The following PDCD7 variants were observed in gnomAD, a reference collection of about 807,000 sequenced individuals.
PDCD7 encodes the protein programmed cell death 7.
Under a neutral mutation model 42.1 loss-of-function variants are expected in PDCD7, and 40 were observed. The ratio of observed to expected loss-of-function variants is 0.95; its 90% CI spans 0.74 to 1.24. The LOEUF (loss-of-function observed/expected upper bound fraction) is 1.24. PDCD7 is among the 50% of genes most tolerant of loss of function. The probability of loss-of-function intolerance (pLI) is 0.00; values close to 1 mark genes in which losing one functional copy is unlikely to be tolerated. For synonymous variants in PDCD7, 299 were observed against 303.3 expected, an observed-to-expected ratio of 0.99 and a Z score of 0.15; for missense variants, 644 against 662.8, an observed-to-expected ratio of 0.97 and a Z score of 0.31.
chr15:65,133,048 CG>C lies in PDCD7; in HGVS notation c.733del (p.Arg245AlafsTer35). 1 of 1,590,340 alleles carries C rather than the reference CG, an allele frequency of 6.3e-7. No individual in the cohort carries two copies. Among genetic ancestry groups the C allele is most frequent in the Non-Finnish European group, 8.5e-7 (1 of 1,174,448 alleles). ...ARRRLERVRR[R>X]RLRLRERARE... ...GGCCCTCTCGCGAAGCCGCAGCCGGCGGCGCCGGACCCTCTCCAGCCTCCTC... is the reference window on the plus strand; with the variant it reads ...GGCCCTCTCGCGAAGCCGCAGCCGGCGCGCCGGACCCTCTCCAGCCTCCTC... On this transcript the variant is annotated frameshift_variant, in exon 1 of 5. Transcript: ENST00000204549. LOFTEE classifies it high-confidence loss of function.
At chr15:65,132,287 ATTT>A (rs775081541) in intron 1 of PDCD7, among the ~76,000 whole-genome samples, 2 of 139,922 alleles carry the variant, frequency 1.4e-5, no homozygotes. Context: ...CAAGTTCTCT[ATTT>A]TTTTTTTTTT....
intron 2 of PDCD7, 90 bp downstream of exon 2, chr15:65,128,942 A>G (rs771868035): frequency 3.6e-5 from 51 of 1,433,740 alleles, no homozygotes; most frequent in Non-Finnish European, 4.8e-5. Flanking sequence ...TGAAGTTTCA[A>G]GTATTTTTCC....
chr15:65,123,581 T>C (rs1220611530), intron 2 of PDCD7, among the ~76,000 whole-genome samples: 3 of 152,330 alleles, frequency 2.0e-5, no homozygotes, highest in East Asian at 3.9e-4. Flanking sequence ...ATAAATGGCA[T>C]AAATAATGGT....
At chr15:65,128,882 G>T in intron 2 of PDCD7, 150 bp downstream of exon 2, 1 of 867,706 alleles carries the variant, frequency 1.2e-6, no homozygotes, top group Non-Finnish European at 1.8e-6. Context: ...TGCTTCAGAA[G>T]TTCTGACCTA....
rs779528128 is a variant in PDCD7 at position 65,118,809 on chromosome 15, C to G, written c.1366G>C (p.Asp456His). 4 of 1,609,948 alleles carry G rather than the reference C, an allele frequency of 2.5e-6. No homozygotes were observed. The East Asian group carries it at 9.0e-5, about 36-fold the overall frequency. Residue 456 changes from aspartate (D) to histidine (H), a missense_variant, in exon 5 of 5, where the codon GAT (aspartate) becomes CAT (histidine). Coordinates refer to ENST00000204549, the MANE Select transcript of PDCD7 (RefSeq NM_005707.2). ...GGAACGAAGTTGCCTTTGGGATGAT[C>G]GGATGGCACCAGGTACTGATCCCAA... Reference protein sequence around the residue: ...HDWDQYLVPSDHPKGNFVPQG... With the variant: ...HDWDQYLVPSHHPKGNFVPQG...
rs1248512686 is a variant in PDCD7, at chr15:65,118,504, TC to T, written c.*212del. 14 of 440,352 alleles carry T rather than the reference TC, an allele frequency of 3.2e-5. No individual in the cohort carries two copies. The highest frequency in any genetic ancestry group is 1.8e-4 in the Admixed American group (4 of 22,306). 27.3% of individuals were successfully genotyped at this position (440,352 alleles called of 1,614,324 possible). A position where few individuals can be genotyped will look rare whatever the true frequency, so the allele number is the denominator to read the frequency against. On this transcript the variant is annotated 3_prime_UTR_variant, in exon 5 of 5. Coordinates refer to ENST00000204549, the MANE Select transcript of PDCD7 (RefSeq NM_005707.2). ...CACTGCCTGTGGTAAAAACCTCAGTTCACCTAAGTCCTTTCCTGAAAAACCA... is the reference window on the plus strand; with the variant it reads ...CACTGCCTGTGGTAAAAACCTCAGTTACCTAAGTCCTTTCCTGAAAAACCA...
In PDCD7 at chr15:65,133,677, C is replaced by G; in HGVS notation, c.105G>C (p.Pro35=). The change falls in exon 1 of 5, where the codon CCG becomes CCC. Residue 35 remains proline (P), a synonymous_variant. Transcript: ENST00000204549. ...GCTGGGGGAGAGGCGGCGGGAAAGC[C>G]GGGGAGGGCAGCGGCGGTGGCGGAC... ...FGCPPPPLPS[P]AFPPPLPQRP... 2 of 1,268,256 alleles carry G rather than the reference C, an allele frequency of 1.6e-6. No individual in the cohort carries two copies. The highest frequency in any genetic ancestry group is 3.1e-5 in the East Asian group (1 of 32,098). The allele number at this position is 1,268,256 out of a possible 1,614,324, so 78.6% of individuals were successfully genotyped here. A position where few individuals can be genotyped will look rare whatever the true frequency, so the allele number is the denominator to read the frequency against.
chr15:65,119,378 G>A lies in PDCD7; in HGVS notation c.1332C>T (p.Ile444=). 6.2e-6 allele frequency: 10 copies of A among 1,611,504 alleles called. No individual in the cohort carries two copies. Among genetic ancestry groups the A allele is most frequent in the South Asian group, 1.1e-5 (1 of 90,964 alleles). The part of the protein sequence containing the change: ...AEHSLPALIQ[I]RHDWDQYLVP... ...CATGGAGAGCCAGCCCCTCTGACCT[G>A]ATCTGGATGAGCGCTGGCAGGGAGT... The change falls in exon 4 of 5, where the codon ATC becomes ATT. Residue 444 remains isoleucine (I), a splice_region_variant and synonymous_variant. Coordinates refer to ENST00000204549, the MANE Select transcript of PDCD7 (RefSeq NM_005707.2).
Position 65,133,164 on chromosome 15 carries a change from G to C in PDCD7, c.618C>G (p.Val206=), listed in dbSNP as rs1167735994. Residue 206 remains valine (V), a synonymous_variant, in exon 1 of 5, where the codon GTC becomes GTG. Coordinates refer to ENST00000204549, the MANE Select transcript of PDCD7 (RefSeq NM_005707.2). The part of the protein sequence containing the change: ...REAEADGAAW[V]LLYSQTAPLR... ...GCGGCGCGGTCTGGGAGTACAGCAG[G>C]ACCCAGGCCGCGCCGTCGGCTTCGG... is the stretch of plus-strand genomic sequence containing the variant. 2 of 1,474,836 alleles carry C rather than the reference G, an allele frequency of 1.4e-6. No homozygotes were observed. The highest frequency in any genetic ancestry group is 2.8e-5 in the East Asian group (1 of 36,130). 91.4% of individuals were successfully genotyped at this position (1,474,836 alleles called of 1,614,324 possible).
chr15:65,131,295 C>T (rs2087538372), intron 1 of PDCD7, among the ~76,000 whole-genome samples: 1 of 152,202 alleles, frequency 6.6e-6, no homozygotes, highest in African/African-American at 2.4e-5. Flanking sequence ...CTATCACCCC[C>T]AGATGGGACT....
chr15:65,131,145 C>T (rs905924493), intron 1 of PDCD7, among the ~76,000 whole-genome samples: 4 of 152,184 alleles, frequency 2.6e-5, no homozygotes, highest in African/African-American at 9.7e-5. Flanking sequence ...TGCATTACCA[C>T]CTGAGCTCCG....
At position 65,133,457 on chromosome 15, in the gene PDCD7, G is replaced by A. The variant is rs2087561007; in HGVS notation, c.325C>T (p.Pro109Ser). The A allele has an allele frequency of 2.5e-6, 3 of 1,205,822 alleles. No individual in the cohort carries two copies. Among genetic ancestry groups the A allele is most frequent in the Non-Finnish European group, 3.1e-6 (3 of 971,528 alleles). 74.7% of individuals were successfully genotyped at this position (1,205,822 alleles called of 1,614,324 possible). The stretch of plus-strand genomic sequence containing the variant: ...GGCGGCCCCGGGCCGGGAGGCGGTG[G>A]CCGCGGCCGCTCGCCGGCGTCGGTC... Reference protein sequence around the residue: ...PGTDAGERPRPPPPGPGPPWS... With the variant: ...PGTDAGERPRSPPPGPGPPWS... The change falls in exon 1 of 5, where the codon CCA (proline) becomes TCA (serine). Residue 109 changes from proline to serine, a missense_variant. Physicochemically the swap from Pro to Ser is moderately conservative, Grantham distance 74 (BLOSUM62 -1). Coordinates refer to ENST00000204549, the MANE Select transcript of PDCD7 (RefSeq NM_005707.2).
At chr15:65,120,021 C>A (rs1228117416) in intron 2 of PDCD7, 67 bp from the exon 3 acceptor site, 15 of 1,514,316 alleles carry the variant, frequency 9.9e-6, no homozygotes, top group Non-Finnish European at 1.3e-5. Context: ...CGCTCTAACA[C>A]CCAGGCTGGA....
chr15:65,129,648 A>G (rs975910784), intron 1 of PDCD7, among the ~76,000 whole-genome samples: 1 of 152,170 alleles, frequency 6.6e-6, no homozygotes, highest in Non-Finnish European at 1.5e-5. Context: ...TCTCTTCCAC[A>G]TGACAGCCTT....
Position 65,123,282 on chromosome 15 carries a change from G to A in PDCD7, c.1010-3328C>T, listed in dbSNP as rs139733655. On this transcript the variant is annotated intron_variant, in intron 2 of 4. Coordinates refer to ENST00000204549, the MANE Select transcript of PDCD7 (RefSeq NM_005707.2). ...ACCTCACTGTAACCTCTGATTCCTGGGTTCAAGCGATTCTCCTGCCTCAGC... is the reference window on the plus strand; with the variant it reads ...ACCTCACTGTAACCTCTGATTCCTGAGTTCAAGCGATTCTCCTGCCTCAGC... 5.7e-3 allele frequency among the ~76,000 whole-genome samples: 872 copies of A among 152,296 alleles called. 5 individuals carry two copies. The highest frequency in any genetic ancestry group is 0.014 in the Middle Eastern group (4 of 294).
intron 2 of PDCD7, among the ~76,000 whole-genome samples, chr15:65,120,575 G>A (rs2087445677): frequency 6.6e-6 from 1 of 152,136 alleles, no homozygotes; most frequent in African/African-American, 2.4e-5. Context: ...AGGCATGGTG[G>A]CAGGTACCTG....
chr15:65,131,825 G>C (rs1341357952), intron 1 of PDCD7, among the ~76,000 whole-genome samples: 2 of 152,074 alleles, frequency 1.3e-5, no homozygotes, highest in African/African-American at 4.8e-5. Flanking sequence ...TGCTTAAAGA[G>C]TCTGAGATCA....
At chr15:65,130,998 T>C (rs2087535704) in intron 1 of PDCD7, among the ~76,000 whole-genome samples, 2 of 152,174 alleles carry the variant, frequency 1.3e-5, no homozygotes, top group African/African-American at 4.8e-5. Context: ...CACAGATCTC[T>C]AAGCCAGGGG....
chr15:65,129,678 G>C (rs2087523802), intron 1 of PDCD7, among the ~76,000 whole-genome samples: 1 of 152,094 alleles, frequency 6.6e-6, no homozygotes, highest in Admixed American at 6.6e-5. Flanking sequence ...AAAGATTGCT[G>C]TCCTACTCTT....
Sources: gnomAD v4.1 joint callset for allele counts (sites outside exome capture counted in the v4.1 genomes callset) on GRCh38, gnomAD v4.1.1 for gene constraint, MANE v1.5 for transcripts, NCBI Gene and HGNC (gene_info 2026-07-23, HGNC 2026-07-21) for gene names.